The following MAGI2 variants were observed in gnomAD, a reference collection of about 807,000 sequenced individuals.
MAGI2 encodes membrane-associated guanylate kinase, WW and PDZ domain-containing protein 2.
A neutral mutation model predicts 133.3 loss-of-function variants in MAGI2; 35 were observed. The observed-to-expected ratio is 0.26, with a 90% CI of 0.20 to 0.35. The LOEUF is 0.35. MAGI2 is among the 10% of genes least tolerant of loss of function. MAGI2 has a pLI of 1.00. For synonymous variants in MAGI2, 729 were observed against 710.6 expected (o/e 1.03, Z -0.41); for missense variants, 1,636 against 1,863.4 (o/e 0.88, Z 2.25).
At position 78,741,625 on chromosome 7, in the gene MAGI2, G is replaced by A. The variant is rs183932248; in HGVS notation, c.419-114386C>T. Among the ~76,000 whole-genome samples the A allele has an allele frequency of 2.5e-4, 38 of 152,240 alleles. No homozygotes were observed. In the East Asian group the frequency reaches 7.0e-3, roughly 28 times the overall value. On this transcript the variant is annotated intron_variant, in intron 2 of 21. Transcript: ENST00000354212. ...AAATAGTACAGTACCTTGTTCAGCA[G>A]TGAGGCTCTAGAGTTAGTGGAATTT...
intron 10 of MAGI2, among the ~76,000 whole-genome samples, chr7:78,222,669 C>T (rs1378539232): frequency 3.9e-5 from 6 of 152,160 alleles, no homozygotes; most frequent in Non-Finnish European, 7.3e-5. Context: ...TATGAAGGCC[C>T]CATCTCTGAT....
intron 1 of MAGI2, among the ~76,000 whole-genome samples, chr7:79,071,706 G>A (rs113103882): frequency 5.9e-5 from 9 of 151,970 alleles, no homozygotes; most frequent in East Asian, 1.9e-4. Context: ...GCGGCCTTAC[G>A]GAGCTGTGGT....
chr7:78,978,290 G>C (rs1049844426), intron 2 of MAGI2, among the ~76,000 whole-genome samples: 1 of 151,788 alleles, frequency 6.6e-6, no homozygotes, highest in African/African-American at 2.4e-5. Flanking sequence ...TAGCTGAATA[G>C]ATAAACAAAC....
chr7:78,510,935 C>T (rs1284055862), intron 4 of MAGI2, among the ~76,000 whole-genome samples: 1 of 152,184 alleles, frequency 6.6e-6, no homozygotes, highest in Non-Finnish European at 1.5e-5. Context: ...CTGCTTATAA[C>T]TGACTCCTCC....
At chr7:78,362,994 G>A (rs1244477148) in intron 7 of MAGI2, among the ~76,000 whole-genome samples, 1 of 152,146 alleles carries the variant, frequency 6.6e-6, no homozygotes, top group African/African-American at 2.4e-5. Context: ...GATGATGGAT[G>A]TAAAAGCATA....
intron 2 of MAGI2, among the ~76,000 whole-genome samples, chr7:78,860,354 G>C (rs972674161): frequency 6.6e-6 from 1 of 152,124 alleles, no homozygotes. Flanking sequence ...TTCTGCTCTG[G>C]TTTATCCCCA....
chr7:78,657,396 C>T (rs1234078542), intron 2 of MAGI2, among the ~76,000 whole-genome samples: 1 of 152,180 alleles, frequency 6.6e-6, no homozygotes, highest in African/African-American at 2.4e-5. Flanking sequence ...TCTTTATTCA[C>T]AATTGCCAAA....
chr7:79,186,642 G>T (rs558914719), intron 1 of MAGI2, among the ~76,000 whole-genome samples: 2 of 126,922 alleles, frequency 1.6e-5, no homozygotes, highest in South Asian at 4.3e-4. Context: ...TCGTATAAGT[G>T]CATATATATA....
chr7:79,212,515 C>G (rs762576437), intron 1 of MAGI2, among the ~76,000 whole-genome samples: 1 of 152,070 alleles, frequency 6.6e-6, no homozygotes, highest in African/African-American at 2.4e-5. Context: ...CAGGGTAGTA[C>G]AAAACTTTCC....
chr7:79,110,788 C>T (rs1818863806), intron 1 of MAGI2, among the ~76,000 whole-genome samples: 1 of 152,058 alleles, frequency 6.6e-6, no homozygotes, highest in South Asian at 2.1e-4. Context: ...ATGTAGTTCT[C>T]CAGTGTTGGA....
chr7:78,019,564 C>T lies in MAGI2; in HGVS notation c.4119G>A (p.Ala1373=). 1 of 980,368 alleles carries T rather than the reference C, an allele frequency of 1.0e-6. No homozygotes were observed. The highest frequency in any genetic ancestry group is 1.2e-6 in the Non-Finnish European group (1 of 828,088). 60.7% of individuals were successfully genotyped at this position (980,368 alleles called of 1,614,324 possible). Reference sequence around the variant, plus strand: ...CTTCGCGCCGGCAGAGCTCGGAGCCCGCCGCCGCACGGGGCGCCTCCTTCC... The same window carrying T: ...CTTCGCGCCGGCAGAGCTCGGAGCCTGCCGCCGCACGGGGCGCCTCCTTCC... The part of the protein sequence containing the change: ...AGGKEAPRAA[A]GSELCRREGP... Residue 1373 remains alanine (A), a synonymous_variant, in exon 22 of 22, where the codon GCG becomes GCA. Transcript: ENST00000354212.
intron 9 of MAGI2, among the ~76,000 whole-genome samples, chr7:78,330,290 A>G (rs1383988426): frequency 6.6e-6 from 1 of 152,196 alleles, no homozygotes; most frequent in African/African-American, 2.4e-5. Flanking sequence ...TTCTGCCTCC[A>G]TAGTAATCCA....
At chr7:78,762,144 G>GAGCAAGTAGAGATTTTTGGATTAA (rs1824572037) in intron 2 of MAGI2, among the ~76,000 whole-genome samples, 1 of 151,134 alleles carries the variant, frequency 6.6e-6, no homozygotes, top group Non-Finnish European at 1.5e-5. Flanking sequence ...AGACTGCCAA[G>GAGCAAGTAGAGATTTTTGGATTAA]AACAAGTAGA....
At chr7:78,468,836 G>A (rs1474364891) in intron 6 of MAGI2, among the ~76,000 whole-genome samples, 1 of 152,122 alleles carries the variant, frequency 6.6e-6, no homozygotes, top group Non-Finnish European at 1.5e-5. Context: ...GTAGGAGTCT[G>A]GCAGAGGTGA....
intron 5 of MAGI2, among the ~76,000 whole-genome samples, chr7:78,497,081 T>A (rs577179395): frequency 6.6e-6 from 1 of 151,324 alleles, no homozygotes; most frequent in Admixed American, 6.5e-5. Flanking sequence ...GGTGGGTCCT[T>A]GATATGTAAT....
chr7:79,295,576 C>T (rs938846959), intron 1 of MAGI2, among the ~76,000 whole-genome samples: 4 of 151,780 alleles, frequency 2.6e-5, no homozygotes, highest in African/African-American at 9.7e-5. Flanking sequence ...AATATACTTC[C>T]TATTCTTCCC....
intron 2 of MAGI2, among the ~76,000 whole-genome samples, chr7:78,651,908 G>T (rs1811616680): frequency 6.6e-6 from 1 of 151,898 alleles, no homozygotes; most frequent in Non-Finnish European, 1.5e-5. Flanking sequence ...AAAAGCCTAT[G>T]CCTTGACTAG....
chr7:78,951,204 C>T (rs1377300309), intron 2 of MAGI2, among the ~76,000 whole-genome samples: 1 of 152,038 alleles, frequency 6.6e-6, no homozygotes, highest in Non-Finnish European at 1.5e-5. Context: ...AACTCCCAAC[C>T]TTAAGTGATC....
intron 1 of MAGI2, among the ~76,000 whole-genome samples, chr7:79,173,980 T>C (rs1825855930): frequency 6.6e-6 from 1 of 152,030 alleles, no homozygotes; most frequent in Non-Finnish European, 1.5e-5. Context: ...AGGCAGTTTT[T>C]TTTTATTTGA....
Sources: allele counts gnomAD v4.1 joint callset (sites outside exome capture counted in the v4.1 genomes callset), GRCh38; gene constraint gnomAD v4.1.1; transcripts MANE v1.5; gene names NCBI Gene and HGNC (gene_info 2026-07-23, HGNC 2026-07-21).